DOK5: variants seen among roughly 807,000 people sequenced by gnomAD.
DOK5 encodes docking protein 5, also known as downstream of tyrosine kinase 5.
In DOK5, 27 loss-of-function variants were observed where a neutral mutation model predicts 43.3. The observed-to-expected ratio is 0.62, with a 90% CI of 0.46 to 0.86. DOK5 has a LOEUF of 0.86. Among genes scored for constraint, DOK5 ranks in the 40% least tolerant of loss-of-function variants. DOK5 has a pLI of 0.00. For missense variants in DOK5, 373 were observed against 392.9 expected (o/e 0.95, Z 0.43); for synonymous variants, 146 against 140.1 (o/e 1.04, Z -0.30).
At chr20:54,549,252 G>A (rs73911956) in intron 1 of DOK5, among the ~76,000 whole-genome samples, 3,085 of 152,246 alleles carry the variant, frequency 0.02, 103 homozygotes, top group African/African-American at 0.07. Context: ...AGTAGACCTC[G>A]GCTAGTCTCT....
intron 7 of DOK5, among the ~76,000 whole-genome samples, chr20:54,647,024 T>C (rs1236076330): frequency 6.6e-6 from 1 of 152,146 alleles, no homozygotes; most frequent in African/African-American, 2.4e-5. Context: ...AGCCCCCTGC[T>C]GGTTGATTTG....
chr20:54,569,859 T>C (rs1054164922), intron 2 of DOK5, among the ~76,000 whole-genome samples: 3 of 152,246 alleles, frequency 2.0e-5, no homozygotes, highest in Non-Finnish European at 2.9e-5. Context: ...TTAAGTGACC[T>C]AGGGCATGTA....
intron 1 of DOK5, among the ~76,000 whole-genome samples, chr20:54,485,747 A>G (rs1020349697): frequency 6.6e-6 from 1 of 152,208 alleles, no homozygotes; most frequent in Non-Finnish European, 1.5e-5. Context: ...GTTTTCTCAC[A>G]GTTGTACCAT....
chr20:54,606,516 G>C (rs989497893), intron 5 of DOK5, among the ~76,000 whole-genome samples: 1 of 152,222 alleles, frequency 6.6e-6, no homozygotes, highest in African/African-American at 2.4e-5. Context: ...ACGAGAAGCA[G>C]ACATGGCTGT....
At chr20:54,642,589 T>C (rs1287692340) in intron 6 of DOK5, among the ~76,000 whole-genome samples, 1 of 145,834 alleles carries the variant, frequency 6.9e-6, no homozygotes, top group Non-Finnish European at 1.5e-5. Flanking sequence ...CCGGGCGTGG[T>C]GGCATGTACC....
intron 6 of DOK5, among the ~76,000 whole-genome samples, chr20:54,612,080 A>G (rs1326400846): frequency 6.6e-6 from 1 of 152,250 alleles, no homozygotes; most frequent in Non-Finnish European, 1.5e-5. Context: ...ACATTGAGAT[A>G]CAAATTTCAT....
intron 1 of DOK5, among the ~76,000 whole-genome samples, chr20:54,484,873 C>T (rs895201205): frequency 6.6e-6 from 1 of 152,090 alleles, no homozygotes; most frequent in Admixed American, 6.6e-5. Context: ...AGAAAATTAG[C>T]CAGGTGTGGT....
At chr20:54,641,296 A>T (rs1226286826) in intron 6 of DOK5, among the ~76,000 whole-genome samples, 2 of 152,182 alleles carry the variant, frequency 1.3e-5, no homozygotes, top group Non-Finnish European at 2.9e-5. Flanking sequence ...ATGTAAATTC[A>T]ATGCATACAA....
Position 54,543,209 on chromosome 20 carries a change from G to A in DOK5, c.67-11724G>A, listed in dbSNP as rs553136958. ...TACTTAACTCATTAATTAAATGAAG[G>A]AACAACGTTGAATATTATAACTAGT... On this transcript the variant is annotated intron_variant, in intron 1 of 7. Coordinates refer to ENST00000262593, the MANE Select transcript of DOK5 (RefSeq NM_018431.5). 5.9e-5 allele frequency among the ~76,000 whole-genome samples: 9 copies of A among 152,004 alleles called. No homozygotes were observed. The East Asian group carries it at 1.7e-3, about 29-fold the overall frequency.
intron 5 of DOK5, among the ~76,000 whole-genome samples, chr20:54,610,130 T>A (rs1256714602): frequency 6.6e-6 from 1 of 152,098 alleles, no homozygotes; most frequent in African/African-American, 2.4e-5. Flanking sequence ...CAGCTTTTTT[T>A]TAAAAAAAAT....
At chr20:54,518,281 C>G (rs191159560) in intron 1 of DOK5, among the ~76,000 whole-genome samples, 2 of 152,010 alleles carry the variant, frequency 1.3e-5, no homozygotes, top group Non-Finnish European at 2.9e-5. Context: ...CCCTTCCCCC[C>G]ACCCCACAAC....
intron 2 of DOK5, among the ~76,000 whole-genome samples, chr20:54,587,662 T>A (rs959011997): frequency 1.1e-4 from 17 of 152,008 alleles, no homozygotes; most frequent in Non-Finnish European, 2.4e-4. Flanking sequence ...ACTGTGGAAA[T>A]ATAATGAGCC....
intron 1 of DOK5, among the ~76,000 whole-genome samples, chr20:54,498,515 T>C (rs185736125): frequency 2.9e-4 from 44 of 152,310 alleles, no homozygotes; most frequent in Admixed American, 4.6e-4. Context: ...TGTGGTCAGA[T>C]TGAGCAATTG....
At chr20:54,480,467 T>A (rs1981624195) in intron 1 of DOK5, among the ~76,000 whole-genome samples, 2 of 152,210 alleles carry the variant, frequency 1.3e-5, no homozygotes, top group African/African-American at 4.8e-5. Flanking sequence ...ACCCTTGGTC[T>A]GAAAAGGGGA....
chr20:54,507,521 G>C (rs572255486), intron 1 of DOK5, among the ~76,000 whole-genome samples: 1 of 152,066 alleles, frequency 6.6e-6, no homozygotes, highest in Admixed American at 6.6e-5. Flanking sequence ...GGTATTTTAC[G>C]CCCTGTGGCA....
intron 2 of DOK5, among the ~76,000 whole-genome samples, chr20:54,580,140 T>C (rs1371697898): frequency 6.6e-6 from 1 of 152,128 alleles, no homozygotes; most frequent in Non-Finnish European, 1.5e-5. Context: ...TAATATTGCA[T>C]GGTGTATATG....
chr20:54,552,484 T>A (rs1031943771), intron 1 of DOK5, among the ~76,000 whole-genome samples: 4 of 151,894 alleles, frequency 2.6e-5, no homozygotes, highest in Non-Finnish European at 5.9e-5. Context: ...TAATTACCTA[T>A]GTTATCTTAC....
At chr20:54,483,708 T>A (rs1981818458) in intron 1 of DOK5, among the ~76,000 whole-genome samples, 1 of 152,232 alleles carries the variant, frequency 6.6e-6, no homozygotes, top group Non-Finnish European at 1.5e-5. Context: ...CCCCCGTTCC[T>A]GTGAAATTCA....
chr20:54,591,826 T>C, intron 5 of DOK5, 21 bp downstream of exon 5: 1 of 1,603,162 alleles, frequency 6.2e-7, no homozygotes, highest in South Asian at 1.1e-5. Flanking sequence ...TGACTTTTAA[T>C]GACTATTTTT....
Sources: gnomAD v4.1 joint callset for allele counts (sites outside exome capture counted in the v4.1 genomes callset) on GRCh38, gnomAD v4.1.1 for gene constraint, MANE v1.5 for transcripts, NCBI Gene and HGNC (gene_info 2026-07-23, HGNC 2026-07-21) for gene names.